Variants in MYOM2 observed in about 807,000 individuals in gnomAD.
MYOM2 encodes the protein myomesin-2.
MYOM2 carries 254 observed loss-of-function variants against 187.6 expected under a neutral mutation model. That is an observed-to-expected ratio of 1.35 (90% CI 1.22 to 1.50). The LOEUF is 1.50. MYOM2 is among the 40% of genes most tolerant of loss of function. MYOM2 has a pLI of 0.00. For synonymous variants in MYOM2, 981 were observed against 753.8 expected, an observed-to-expected ratio of 1.30 and a Z score of -4.94; for missense variants, 2,796 against 1,924.0, an observed-to-expected ratio of 1.45 and a Z score of -8.48.
In MYOM2 at chr8:2,057,645, A is replaced by G. The variant is rs759675384; in HGVS notation, c.425A>G (p.Glu142Gly). The change falls in exon 5 of 37, where the codon GAG (glutamate) becomes GGG (glycine). Residue 142 changes from glutamate (E) to glycine (G), a missense_variant. Physicochemically the swap from Glu to Gly is moderately conservative, Grantham distance 98. Transcript: ENST00000262113. Reference protein sequence around the residue: ...QQMMEDKLAWERHTFEERISR... With the variant: ...QQMMEDKLAWGRHTFEERISR... ...CAGATGGAGGACAAGCTGGCCTGGG[A>G]GAGACACACATTTGAAGAGCGGATA... The G allele has an allele frequency of 3.3e-5, 53 of 1,613,936 alleles. No individual in the cohort carries two copies. The highest frequency in any genetic ancestry group is 3.7e-5 in the Non-Finnish European group (44 of 1,180,012).
intron 32 of MYOM2, among the ~76,000 whole-genome samples, chr8:2,131,864 C>A (rs1422770331): frequency 6.6e-6 from 1 of 152,062 alleles, no homozygotes; most frequent in Non-Finnish European, 1.5e-5. Context: ...AGGATGGCCT[C>A]AATCTCCTGA....
chr8:2,083,719 C>G (rs1210089627), intron 13 of MYOM2, among the ~76,000 whole-genome samples: 1 of 152,206 alleles, frequency 6.6e-6, no homozygotes. Flanking sequence ...GAACCCTTTT[C>G]TCCTCTCTCC....
chr8:2,143,725 C>A (rs937441563), intron 36 of MYOM2, among the ~76,000 whole-genome samples: 1 of 152,322 alleles, frequency 6.6e-6, no homozygotes, highest in South Asian at 2.1e-4. Flanking sequence ...CACCTCAAGG[C>A]AAGTGCTGTG....
At position 2,096,408 on chromosome 8, in the gene MYOM2, T is replaced by C; in HGVS notation, c.2287T>C (p.Ser763Pro). 1 of 1,614,210 alleles carries C rather than the reference T, an allele frequency of 6.2e-7. No homozygotes were observed. Among genetic ancestry groups the C allele is most frequent in the South Asian group, 1.1e-5 (1 of 91,072 alleles). The change falls in exon 18 of 37, where the codon TCA becomes CCA. Residue 763 changes from serine (S) to proline (P), a missense_variant. By Grantham distance (74) the Ser-to-Pro change is moderately conservative. Coordinates refer to ENST00000262113, the MANE Select transcript of MYOM2 (RefSeq NM_003970.4). ...TAAAAACTGGCACGAGGTCAATTCCTCACCCAGCAAACCGACAATCCTAAC... is the reference window on the plus strand; with the variant it reads ...TAAAAACTGGCACGAGGTCAATTCCCCACCCAGCAAACCGACAATCCTAAC... Reference protein sequence around the residue: ...HHKNWHEVNSSPSKPTILTVD... With the variant: ...HHKNWHEVNSPPSKPTILTVD...
chr8:2,127,640 A>T (rs1797698307), intron 31 of MYOM2: 1 of 154,050 alleles, frequency 6.5e-6, no homozygotes, highest in Admixed American at 6.8e-5. Flanking sequence ...GCGGTGACGC[A>T]GCCGCAGGCA....
At chr8:2,112,384 G>T (rs1442320863) in intron 25 of MYOM2, among the ~76,000 whole-genome samples, 1 of 114,850 alleles carries the variant, frequency 8.7e-6, no homozygotes, top group Admixed American at 1.2e-4. Flanking sequence ...TAAGGAGGTA[G>T]AAATCATGGG....
intron 18 of MYOM2, 130 bp downstream of exon 18, chr8:2,096,564 G>A: frequency 1.1e-6 from 1 of 899,020 alleles, no homozygotes; most frequent in Non-Finnish European, 1.7e-6. Context: ...ATAGCATCAT[G>A]AGATCATGAA....
At chr8:2,057,261 A>G (rs1818695871) in intron 3 of MYOM2, 87 bp from the exon 4 acceptor site, 1 of 1,469,364 alleles carries the variant, frequency 6.8e-7, no homozygotes. Context: ...CCCTAGGGAG[A>G]GAATGGGCAT....
At chr8:2,114,201 C>T (rs182793029) in intron 25 of MYOM2, among the ~76,000 whole-genome samples, 1 of 152,316 alleles carries the variant, frequency 6.6e-6, no homozygotes, top group African/African-American at 2.4e-5. Flanking sequence ...TGGGGCATGG[C>T]CCTCAGGGAA....
intron 36 of MYOM2, among the ~76,000 whole-genome samples, chr8:2,144,095 T>G (rs1486983259): frequency 6.6e-6 from 1 of 152,254 alleles, no homozygotes; most frequent in Non-Finnish European, 1.5e-5. Context: ...TATAGACGTC[T>G]TCTTTAGTAG....
At position 2,055,886 on chromosome 8, in the gene MYOM2, G is replaced by T. The variant is rs549904258; in HGVS notation, c.264-1462G>T. On this transcript the variant is annotated intron_variant, in intron 3 of 36. Coordinates refer to ENST00000262113, the MANE Select transcript of MYOM2 (RefSeq NM_003970.4). ...ATACCGGGACTTTCTGTGCGATGTG[G>T]CCCTGGCCAAGAAGCCTCTTGGTGG... Among the ~76,000 whole-genome samples the T allele has an allele frequency of 6.6e-5, 10 of 152,268 alleles. No individual in the cohort carries two copies. In the South Asian group the frequency reaches 2.1e-3, roughly 32 times the overall value.
At position 2,144,874 on chromosome 8, in the gene MYOM2, G is replaced by A. The variant is rs755117273; in HGVS notation, c.4291G>A (p.Val1431Met). Reference protein sequence around the residue: ...KNKYGGEKIDVTVSVYKHGEK... With the variant: ...KNKYGGEKIDMTVSVYKHGEK... ...TAAGTATGGCGGGGAGAAGATCGAC[G>A]TGACAGTGAGCGTGTACAAACACGG... Residue 1431 changes from valine (V) to methionine (M), a missense_variant, in exon 37 of 37, where the codon GTG becomes ATG. Transcript: ENST00000262113. 9.9e-6 allele frequency: 16 copies of A among 1,613,984 alleles called. No individual in the cohort carries two copies. The highest frequency in any genetic ancestry group is 2.2e-5 in the East Asian group (1 of 44,874).
intron 21 of MYOM2, among the ~76,000 whole-genome samples, chr8:2,105,223 A>G (rs535117151): frequency 2.0e-5 from 3 of 152,174 alleles, no homozygotes. Context: ...CTCAGACTGT[A>G]AAGATCCTGA....
At chr8:2,118,012 GC>G in intron 28 of MYOM2, 60 bp downstream of exon 28, 1 of 1,451,008 alleles carries the variant, frequency 6.9e-7, no homozygotes, top group Non-Finnish European at 9.6e-7. Context: ...TATCAGAGAG[GC>G]CTTTCAGGGA....
At chr8:2,104,740 C>CA (rs1473789241) in intron 21 of MYOM2, among the ~76,000 whole-genome samples, 1 of 152,160 alleles carries the variant, frequency 6.6e-6, no homozygotes, top group African/African-American at 2.4e-5. Flanking sequence ...CGCTGCCCCA[C>CA]AACATGGTAG....
chr8:2,075,804 T>C (rs1217401356), intron 10 of MYOM2, among the ~76,000 whole-genome samples: 1 of 152,228 alleles, frequency 6.6e-6, no homozygotes, highest in Admixed American at 6.5e-5. Flanking sequence ...CAGATTATTG[T>C]CACTGTTTCA....
chr8:2,114,452 G>A (rs1260625255), intron 25 of MYOM2, among the ~76,000 whole-genome samples: 2 of 151,828 alleles, frequency 1.3e-5, no homozygotes, highest in African/African-American at 4.8e-5. Context: ...TTGGTTGTAT[G>A]CATTATATAT....
intron 19 of MYOM2, among the ~76,000 whole-genome samples, chr8:2,100,093 C>CTTCCTTCCTTCTTTCT (rs1796640870): frequency 0.043 from 3,752 of 86,360 alleles, 163 homozygotes; most frequent in African/African-American, 0.072. Flanking sequence ...TCTTTCCTTC[C>CTTCCTTCCTTCTTTCT]TTCCTTCCTT....
intron 3 of MYOM2, among the ~76,000 whole-genome samples, chr8:2,055,039 C>CAAGTACCTGGATACTGGGGGAACG (rs1563414878): frequency 2.9e-4 from 13 of 44,392 alleles, no homozygotes; most frequent in African/African-American, 7.9e-4. Context: ...ACTGGGGAAC[C>CAAGTACCTGGATACTGGGGGAACG]AAGTACCTGG....
Sources: gnomAD v4.1 joint callset for allele counts (sites outside exome capture counted in the v4.1 genomes callset) on GRCh38, gnomAD v4.1.1 for gene constraint, MANE v1.5 for transcripts, NCBI Gene and HGNC (gene_info 2026-07-23, HGNC 2026-07-21) for gene names.